The following TCERG1 variants were observed in gnomAD, a reference collection of about 807,000 sequenced individuals.
TCERG1 encodes TATA box binding protein (TBP)-associated factor, RNA polymerase II, S, 150kD.
Under a neutral mutation model 144.7 loss-of-function variants are expected in TCERG1, and 37 were observed. The ratio of observed to expected loss-of-function variants is 0.26; its 90% CI spans 0.20 to 0.34. TCERG1 has a LOEUF of 0.34. TCERG1 is among the 10% of genes least tolerant of loss of function. The probability of loss-of-function intolerance (pLI) is 1.00; values close to 1 mark genes in which losing one functional copy is unlikely to be tolerated. For missense variants in TCERG1, 1,027 were observed against 1,380.7 expected, an observed-to-expected ratio of 0.74 and a Z score of 4.06; for synonymous variants, 492 against 458.2, an observed-to-expected ratio of 1.07 and a Z score of -0.94.
intron 3 of TCERG1, among the ~76,000 whole-genome samples, 174 bp downstream of exon 3, chr5:146,457,509 T>G (rs1270545697): frequency 6.6e-6 from 1 of 152,240 alleles, no homozygotes; most frequent in Non-Finnish European, 1.5e-5. Context: ...GCAGCAGATA[T>G]AAGGTTGCCT....
chr5:146,480,669 G>A (rs1395450206), intron 12 of TCERG1, among the ~76,000 whole-genome samples: 1 of 152,050 alleles, frequency 6.6e-6, no homozygotes, highest in African/African-American at 2.4e-5. Flanking sequence ...TGGGGAATGG[G>A]ACCATTATTT....
chr5:146,504,826 C>T (rs1767795095), intron 19 of TCERG1, among the ~76,000 whole-genome samples: 1 of 152,134 alleles, frequency 6.6e-6, no homozygotes, highest in Non-Finnish European at 1.5e-5. Context: ...GCGGGCAGAT[C>T]ACTTGGGGTC....
chr5:146,510,657 C>A lies in TCERG1; in HGVS notation c.*15C>A. The A allele has an allele frequency of 1.2e-6, 2 of 1,604,614 alleles. No individual in the cohort carries two copies. Among genetic ancestry groups the A allele is most frequent in the Non-Finnish European group, 1.7e-6 (2 of 1,175,038 alleles). On this transcript the variant is annotated 3_prime_UTR_variant, in exon 23 of 23. Transcript: ENST00000679501. ...CAACAAAATAATTCTAAATACTCTT[C>A]CATAGGGGCATCTATTCAAAATGCT...
chr5:146,504,782 C>T (rs760497880), intron 19 of TCERG1, among the ~76,000 whole-genome samples: 6 of 152,196 alleles, frequency 3.9e-5, no homozygotes, highest in African/African-American at 9.6e-5. Context: ...CACGGTGGCT[C>T]ATGCCTGTAA....
At position 146,510,425 on chromosome 5, in the gene TCERG1, C is replaced by T; in HGVS notation, c.3147-16C>T. ...ACAGCAGTCAGTAATTCTTGGACTT[C>T]TTTTTCTTATTTCAGATCCAAAAAA... On this transcript the variant is annotated splice_polypyrimidine_tract_variant and intron_variant, in intron 22 of 22. Transcript: ENST00000679501. The T allele has an allele frequency of 6.4e-7, 1 of 1,572,402 alleles. No homozygotes were observed. Among genetic ancestry groups the T allele is most frequent in the Non-Finnish European group, 8.7e-7 (1 of 1,149,688 alleles).
chr5:146,495,441 A>G (rs1286743354), intron 16 of TCERG1, among the ~76,000 whole-genome samples: 2 of 152,204 alleles, frequency 1.3e-5, no homozygotes, highest in East Asian at 1.9e-4. Flanking sequence ...TGGACTACAT[A>G]TGATCCCTTT....
At chr5:146,468,756 G>A (rs1249066992) in intron 6 of TCERG1, among the ~76,000 whole-genome samples, 3 of 152,244 alleles carry the variant, frequency 2.0e-5, no homozygotes, top group African/African-American at 7.2e-5. Context: ...AAAGTGATGT[G>A]ATTATGCTTG....
intron 12 of TCERG1, among the ~76,000 whole-genome samples, chr5:146,480,815 T>TA (rs990851266): frequency 1.3e-5 from 2 of 151,968 alleles, no homozygotes; most frequent in Admixed American, 6.6e-5. Flanking sequence ...GTAGTTCTTT[T>TA]AAAAAAAATT....
At chr5:146,486,117 T>C (rs1051768773) in intron 15 of TCERG1, among the ~76,000 whole-genome samples, 1 of 152,234 alleles carries the variant, frequency 6.6e-6, no homozygotes, top group East Asian at 1.9e-4. Context: ...TTTTATTATT[T>C]GCATAGGAGT....
At chr5:146,463,410 G>A in intron 4 of TCERG1, 141 bp from the exon 5 acceptor site, 2 of 1,194,362 alleles carry the variant, frequency 1.7e-6, no homozygotes, top group Non-Finnish European at 2.3e-6. Context: ...GCTTCTTGAA[G>A]ATAAGACCTT....
At position 146,483,662 on chromosome 5, in the gene TCERG1, T is replaced by TA. The variant is rs780269580; in HGVS notation, c.2163+34dup. On this transcript the variant is annotated intron_variant, in intron 15 of 22. Coordinates refer to ENST00000679501, the MANE Select transcript of TCERG1 (RefSeq NM_001382548.1). ...GAAAATGGCATTAACTAAGAATGTA[T>TA]ATCTCTTGCCAACATAGTTTTTAAA... 2,655 of 1,517,056 alleles carry TA rather than the reference T, an allele frequency of 1.8e-3. 8 individuals carry two copies. Among genetic ancestry groups the TA allele is most frequent in the Non-Finnish European group, 1.5e-3 (1,704 of 1,105,948 alleles). The allele number at this position is 1,517,056 out of a possible 1,614,324, so 94.0% of individuals were successfully genotyped here.
intron 9 of TCERG1, among the ~76,000 whole-genome samples, chr5:146,477,592 T>C (rs938738942): frequency 4.6e-5 from 7 of 152,116 alleles, no homozygotes; most frequent in African/African-American, 1.7e-4. Flanking sequence ...TGTGGTTTTT[T>C]TTTTCCTTTG....
At chr5:146,452,481 T>C (rs1762439820) in intron 1 of TCERG1, among the ~76,000 whole-genome samples, 2 of 152,196 alleles carry the variant, frequency 1.3e-5, no homozygotes, top group South Asian at 4.1e-4. Context: ...CTAATACTAA[T>C]ATTTATTGAG....
chr5:146,466,759 C>T (rs899457371), intron 5 of TCERG1, among the ~76,000 whole-genome samples: 1 of 152,124 alleles, frequency 6.6e-6, no homozygotes, highest in Admixed American at 6.5e-5. Context: ...AAGAGTTCTG[C>T]GAGCCCAACT....
chr5:146,483,608 C>A lies in TCERG1; in HGVS notation c.2142C>A (p.Leu714=), dbSNP rs1054425189. The change falls in exon 15 of 23, where the codon CTC becomes CTA. Residue 714 remains leucine (L), a synonymous_variant. Transcript: ENST00000679501. ...KIVFDPRYLL[L]NPKERKQVFD... ...TTTTTGATCCCCGGTACTTACTTCT[C>A]AATCCTAAAGAGAGAAAACAGGTAA... 1.2e-6 allele frequency: 2 copies of A among 1,611,808 alleles called. No homozygotes were observed. Among genetic ancestry groups the A allele is most frequent in the Non-Finnish European group, 1.7e-6 (2 of 1,178,748 alleles).
Position 146,510,809 on chromosome 5 carries a change from G to A in TCERG1, c.*167G>A, listed in dbSNP as rs1768400606. ...AACAGAACACTTTGGAAATATTTATGCTTTTCTTTGTGTGGCATGACTGAC... is the reference window on the plus strand; with the variant it reads ...AACAGAACACTTTGGAAATATTTATACTTTTCTTTGTGTGGCATGACTGAC... On this transcript the variant is annotated 3_prime_UTR_variant, in exon 23 of 23. Transcript: ENST00000679501. 2 of 569,634 alleles carry A rather than the reference G, an allele frequency of 3.5e-6. No individual in the cohort carries two copies. Among genetic ancestry groups the A allele is most frequent in the South Asian group, 3.7e-5 (1 of 27,244 alleles). The allele number at this position is 569,634 out of a possible 1,614,324, so 35.3% of individuals were successfully genotyped here.
intron 15 of TCERG1, among the ~76,000 whole-genome samples, chr5:146,489,725 G>A (rs1317694086): frequency 6.6e-6 from 1 of 152,014 alleles, no homozygotes; most frequent in Non-Finnish European, 1.5e-5. Context: ...ATACATTTTT[G>A]TTCATGCCTA....
chr5:146,498,562 A>G lies in TCERG1; in HGVS notation c.2309A>G (p.Lys770Arg). 6.2e-7 allele frequency: 1 copy of G among 1,607,306 alleles called. No individual in the cohort carries two copies. The highest frequency in any genetic ancestry group is 1.1e-5 in the South Asian group (1 of 89,690). The change falls in exon 17 of 23, where the codon AAG becomes AGG. Residue 770 changes from lysine (K) to arginine (R), a missense_variant. Physicochemically the swap from Lys to Arg is conservative, Grantham distance 26. This residue lies in a region of TCERG1 where 482 missense variants were observed against 632.6 expected (regional missense o/e 0.76). Transcript: ENST00000679501. The part of the protein sequence containing the change: ...PRATFSEFAA[K>R]HAKDSRFKAI... ...GCAACTTTTAGTGAATTTGCAGCCA[A>G]GCATGCTAAAGATTCAAGATTCAAA...
chr5:146,457,077 C>G (rs1762890368), intron 2 of TCERG1, 106 bp from the exon 3 acceptor site: 4 of 1,429,944 alleles, frequency 2.8e-6, no homozygotes, highest in Non-Finnish European at 3.8e-6. Flanking sequence ...TTTGAATAGA[C>G]TATAAAACTA....
Sources: gnomAD v4.1 joint callset for allele counts (sites outside exome capture counted in the v4.1 genomes callset) on GRCh38, gnomAD v4.1.1 for gene constraint, gnomAD v4.1.1 regional missense constraint, MANE v1.5 for transcripts, NCBI Gene and HGNC (gene_info 2026-07-23, HGNC 2026-07-21) for gene names.